TLN2: variants seen among roughly 807,000 people sequenced by gnomAD.
The protein encoded by TLN2 is talin 2.
Under a neutral mutation model 294.7 loss-of-function variants are expected in TLN2, and 118 were observed. The ratio of observed to expected loss-of-function variants is 0.40; its 90% CI spans 0.34 to 0.47. TLN2 has a LOEUF of 0.47. Ranked by LOEUF, TLN2 falls within the 20% of genes least tolerant of loss-of-function variation. TLN2 has a pLI of 0.84. For missense variants in TLN2, 3,083 were observed against 3,282.2 expected, an observed-to-expected ratio of 0.94 and a Z score of 1.48; for synonymous variants, 1,431 against 1,304.5, an observed-to-expected ratio of 1.10 and a Z score of -2.09.
intron 28 of TLN2, among the ~76,000 whole-genome samples, chr15:62,732,929 G>A (rs2060809734): frequency 1.3e-5 from 2 of 152,194 alleles, no homozygotes; most frequent in African/African-American, 4.8e-5. Context: ...AGTGCTTGGA[G>A]AATATGCAGT....
At position 62,762,279 on chromosome 15, in the gene TLN2, A is replaced by G. The variant is rs2062724987; in HGVS notation, c.4787A>G (p.Gln1596Arg). 4 of 1,614,148 alleles carry G rather than the reference A, an allele frequency of 2.5e-6. No homozygotes were observed. The East Asian group carries it at 8.9e-5, about 36-fold the overall frequency. ...IPAQISSEGS[Q>R]AQEPILVSAK... ...TCTGCTGTTTGGTCTCAGGGTTCCC[A>G]GGCACAGGAACCAATCCTGGTCTCA... Residue 1596 changes from glutamine to arginine, a missense_variant, in exon 39 of 59, where the codon CAG becomes CGG. Coordinates refer to ENST00000636159, the MANE Select transcript of TLN2 (RefSeq NM_015059.3).
chr15:62,678,642 C>G (rs1239335645), intron 11 of TLN2, among the ~76,000 whole-genome samples: 1 of 152,120 alleles, frequency 6.6e-6, no homozygotes, highest in Non-Finnish European at 1.5e-5. Flanking sequence ...ACCAGCCTGG[C>G]CAACATAGTG....
chr15:62,567,556 C>T (rs1175427214), intron 1 of TLN2, among the ~76,000 whole-genome samples: 3 of 152,212 alleles, frequency 2.0e-5, no homozygotes, highest in African/African-American at 4.8e-5. Flanking sequence ...GGGGACCAGC[C>T]AGGAGCTGTG....
chr15:62,816,500 T>C (rs926353568), intron 52 of TLN2, among the ~76,000 whole-genome samples: 1 of 152,240 alleles, frequency 6.6e-6, no homozygotes, highest in Non-Finnish European at 1.5e-5. Flanking sequence ...TCTCCTCCGT[T>C]ATCTAAAGCT....
intron 34 of TLN2, among the ~76,000 whole-genome samples, chr15:62,750,872 G>A (rs1348563970): frequency 4.6e-5 from 7 of 152,174 alleles, no homozygotes; most frequent in Admixed American, 3.3e-4. Flanking sequence ...TTTCTACACC[G>A]GAACTGATTT....
chr15:62,795,997 C>A, intron 46 of TLN2, 130 bp from the exon 47 acceptor site: 1 of 1,216,736 alleles, frequency 8.2e-7, no homozygotes, highest in Non-Finnish European at 1.1e-6. Context: ...AGGCCGTTGA[C>A]TCCAGATGTG....
chr15:62,763,690 G>T lies in TLN2; in HGVS notation c.5089G>T (p.Val1697Leu), dbSNP rs1435481083. The T allele has an allele frequency of 1.2e-6, 2 of 1,604,806 alleles. No homozygotes were observed. The highest frequency in any genetic ancestry group is 2.7e-5 in the African/African-American group (2 of 74,798). The stretch of plus-strand genomic sequence containing the variant: ...CCTGGCCACGAGGGACGACATCTCT[G>T]TGGAGGTAAGCTGGGAATCTGGGGG... ...QSLATRDDIS[V>L]EALQEQLTSV... Residue 1697 changes from valine (V) to leucine (L), a missense_variant, in exon 40 of 59, where the codon GTG (valine) becomes TTG (leucine). Physicochemically the swap from Val to Leu is conservative, Grantham distance 32. Coordinates refer to ENST00000636159, the MANE Select transcript of TLN2 (RefSeq NM_015059.3).
intron 1 of TLN2, among the ~76,000 whole-genome samples, chr15:62,511,123 C>T (rs1567044463): frequency 6.6e-6 from 1 of 152,228 alleles, no homozygotes; most frequent in Non-Finnish European, 1.5e-5. Context: ...TGTGGTTGTA[C>T]TGTTTCAAGC....
chr15:62,623,463 T>C (rs1459241398), intron 3 of TLN2, among the ~76,000 whole-genome samples: 1 of 152,236 alleles, frequency 6.6e-6, no homozygotes, highest in Non-Finnish European at 1.5e-5. Flanking sequence ...GAGCATACTT[T>C]TGCAGTATTG....
At position 62,727,099 on chromosome 15, in the gene TLN2, G is replaced by A. The variant is rs1306758049; in HGVS notation, c.3268G>A (p.Ala1090Thr). 5.0e-6 allele frequency: 8 copies of A among 1,614,138 alleles called. No homozygotes were observed. Among genetic ancestry groups the A allele is most frequent in the Admixed American group, 1.7e-5 (1 of 60,018 alleles). ...PLPGETLEKC[A>T]QDLGSTSKAV... ...AATATTCTTGTAGCTGGAAAAATGTGCTCAGGACCTGGGAAGCACATCCAA... is the reference window on the plus strand; with the variant it reads ...AATATTCTTGTAGCTGGAAAAATGTACTCAGGACCTGGGAAGCACATCCAA... The change falls in exon 28 of 59, where the codon GCT becomes ACT. Residue 1090 changes from alanine to threonine, a missense_variant. By Grantham distance (58) the Ala-to-Thr change is moderately conservative. Transcript: ENST00000636159.
intron 6 of TLN2, 36 bp from the exon 7 acceptor site, chr15:62,653,126 A>G: frequency 6.7e-7 from 1 of 1,489,208 alleles, no homozygotes; most frequent in Non-Finnish European, 9.0e-7. Flanking sequence ...CAGCAGTTTA[A>G]TTATTTATAA....
At chr15:62,633,643 T>A (rs2050122334) in intron 3 of TLN2, among the ~76,000 whole-genome samples, 1 of 152,224 alleles carries the variant, frequency 6.6e-6, no homozygotes, top group Non-Finnish European at 1.5e-5. Context: ...ATTCTACTGA[T>A]TACCACTTAC....
At chr15:62,758,126 TA>T (rs1237257613) in intron 37 of TLN2, among the ~76,000 whole-genome samples, 14 of 152,218 alleles carry the variant, frequency 9.2e-5, no homozygotes, top group Non-Finnish European at 1.8e-4. Flanking sequence ...TGCCCAAGCC[TA>T]AATCCCAGCT....
chr15:62,805,474 A>G, intron 50 of TLN2, 126 bp from the exon 51 acceptor site: 2 of 1,007,272 alleles, frequency 2.0e-6, no homozygotes, highest in Non-Finnish European at 1.4e-6. Flanking sequence ...TAATTTCGCC[A>G]TGTGACAGTT....
At chr15:62,794,894 G>A (rs1003408053) in intron 46 of TLN2, among the ~76,000 whole-genome samples, 1 of 152,148 alleles carries the variant, frequency 6.6e-6, no homozygotes, top group Admixed American at 6.5e-5. Flanking sequence ...ATCTACCTAC[G>A]AAACGTTGTC....
chr15:62,840,491 G>C lies in TLN2; in HGVS notation c.7510G>C (p.Ala2504Pro), dbSNP rs760952896. ...GTTGCTTTCTTTCTAGATCATCGCC[G>C]CCCAGGAAGAAATGCTAAAGAAAGA... ...FVGGIAQIIA[A>P]QEEMLKKERE... is the part of the protein sequence containing the mutation. Residue 2504 changes from alanine (A) to proline (P), a missense_variant, in exon 59 of 59, where the codon GCC (alanine) becomes CCC (proline). By Grantham distance (27) the Ala-to-Pro change is conservative. Transcript: ENST00000636159. 6.2e-7 allele frequency: 1 copy of C among 1,614,036 alleles called. No individual in the cohort carries two copies.
intron 1 of TLN2, among the ~76,000 whole-genome samples, chr15:62,391,104 C>T (rs1174870106): frequency 6.6e-6 from 1 of 152,260 alleles, no homozygotes; most frequent in Non-Finnish European, 1.5e-5. Flanking sequence ...CCCTCGACCC[C>T]AGCCGGGCCC....
At chr15:62,795,212 C>T (rs981206637) in intron 46 of TLN2, among the ~76,000 whole-genome samples, 2 of 152,048 alleles carry the variant, frequency 1.3e-5, no homozygotes, top group African/African-American at 4.8e-5. Flanking sequence ...GCAACTAGTT[C>T]GGTGGCTGCG....
intron 1 of TLN2, among the ~76,000 whole-genome samples, chr15:62,441,808 A>G (rs2035559131): frequency 1.3e-5 from 2 of 152,186 alleles, no homozygotes. Context: ...TGAGGCCTCT[A>G]TTAACAACAT....
Sources: allele counts gnomAD v4.1 joint callset (sites outside exome capture counted in the v4.1 genomes callset), GRCh38; gene constraint gnomAD v4.1.1; transcripts MANE v1.5; gene names NCBI Gene and HGNC (gene_info 2026-07-23, HGNC 2026-07-21).